CNTNAP5: variants seen among roughly 807,000 people sequenced by gnomAD.
CNTNAP5 encodes contactin associated protein family member 5.
A neutral mutation model predicts 150.2 loss-of-function variants in CNTNAP5; 72 were observed. That is an observed-to-expected ratio of 0.48 (90% CI 0.40 to 0.58). The LOEUF is 0.58. Ranked by LOEUF, CNTNAP5 falls within the 20% of genes least tolerant of loss-of-function variation. The pLI, the probability that CNTNAP5 is intolerant of heterozygous loss-of-function variation, is 0.00. For synonymous variants in CNTNAP5, 672 were observed against 619.8 expected (o/e 1.08, Z -1.25); for missense variants, 1,636 against 1,626.2 (o/e 1.01, Z -0.10).
intron 21 of CNTNAP5, among the ~76,000 whole-genome samples, chr2:124,882,916 A>ACT (rs1677996355): frequency 6.6e-6 from 1 of 151,966 alleles, no homozygotes; most frequent in Non-Finnish European, 1.5e-5. Context: ...TCTCATGTGA[A>ACT]CTAACTCACT....
At chr2:124,674,519 C>A (rs1290813768) in intron 13 of CNTNAP5, among the ~76,000 whole-genome samples, 1 of 114,740 alleles carries the variant, frequency 8.7e-6, no homozygotes, top group Admixed American at 1.0e-4. Flanking sequence ...CTCTTTCTTT[C>A]TTTCTTTCTT....
chr2:124,273,075 A>G (rs1687799611), intron 3 of CNTNAP5, among the ~76,000 whole-genome samples: 1 of 152,136 alleles, frequency 6.6e-6, no homozygotes, highest in South Asian at 2.1e-4. Context: ...AGCCATTCAG[A>G]TTTTCTGGCT....
rs3980963 is a variant in CNTNAP5 at position 124,541,179 on chromosome 2, A to ATTTTTTTTTTT, written c.1649+13730_1649+13740dup. On this transcript the variant is annotated intron_variant, in intron 10 of 23. Coordinates refer to ENST00000682447, the MANE Select transcript of CNTNAP5 (RefSeq NM_001367498.1). ...AGAGGATAAGAAGTACAAAATTCCG[A>ATTTTTTTTTTT]TTTTTTTTTTTTTTTTTGGTGAGAA... Among the ~76,000 whole-genome samples the ATTTTTTTTTTT allele has an allele frequency of 5.4e-4, 45 of 83,060 alleles. 5 individuals are homozygous for ATTTTTTTTTTT. The highest frequency in any genetic ancestry group is 7.5e-3 in the Middle Eastern group (1 of 134). 54.5% of individuals were successfully genotyped at this position (83,060 alleles called of 152,430 possible). A position where few individuals can be genotyped will look rare whatever the true frequency, so the allele number is the denominator to read the frequency against.
intron 2 of CNTNAP5, among the ~76,000 whole-genome samples, chr2:124,239,764 G>T (rs182322422): frequency 1.3e-5 from 2 of 151,790 alleles, no homozygotes; most frequent in African/African-American, 4.8e-5. Flanking sequence ...ATAAAATAAA[G>T]AATATGTTTA....
At chr2:124,844,769 T>A (rs1037251989) in intron 19 of CNTNAP5, among the ~76,000 whole-genome samples, 5 of 152,056 alleles carry the variant, frequency 3.3e-5, no homozygotes, top group Admixed American at 1.3e-4. Context: ...GATTTTCAGC[T>A]TCTGTTGGTC....
chr2:124,328,119 T>A (rs895509846), intron 3 of CNTNAP5, among the ~76,000 whole-genome samples: 2 of 152,094 alleles, frequency 1.3e-5, no homozygotes, highest in Non-Finnish European at 2.9e-5. Context: ...AAAAGTTATG[T>A]TTAATTCAGG....
chr2:124,161,178 C>T (rs140940178), intron 1 of CNTNAP5, among the ~76,000 whole-genome samples: 25 of 152,076 alleles, frequency 1.6e-4, no homozygotes, highest in South Asian at 6.2e-4. Context: ...TTAACAACCC[C>T]GAAAAGTAGA....
chr2:124,048,005 G>T lies in CNTNAP5; in HGVS notation c.82+22273G>T, dbSNP rs145773705. 7.1e-4 allele frequency among the ~76,000 whole-genome samples: 108 copies of T among 152,250 alleles called. No individual in the cohort carries two copies. The East Asian group carries it at 0.016, about 22-fold the overall frequency. Reference sequence around the variant, plus strand: ...CACACACACAGGACTTCTTTGCTTAGCTCCGTCATAAACATTTCCAAGCTA... The same window carrying T: ...CACACACACAGGACTTCTTTGCTTATCTCCGTCATAAACATTTCCAAGCTA... On this transcript the variant is annotated intron_variant, in intron 1 of 23. Coordinates refer to ENST00000682447, the MANE Select transcript of CNTNAP5 (RefSeq NM_001367498.1).
chr2:124,693,853 AAC>A (rs1015000340), intron 13 of CNTNAP5, among the ~76,000 whole-genome samples: 3 of 151,760 alleles, frequency 2.0e-5, no homozygotes, highest in Admixed American at 1.3e-4. Context: ...AAAAAAAAAA[AAC>A]CAACCAACCA....
intron 14 of CNTNAP5, among the ~76,000 whole-genome samples, chr2:124,762,195 T>C (rs1680970345): frequency 6.6e-6 from 1 of 152,166 alleles, no homozygotes; most frequent in South Asian, 2.1e-4. Flanking sequence ...TCTATATCCT[T>C]TGAATGGCCT....
chr2:124,105,601 T>G (rs1683156146), intron 1 of CNTNAP5, among the ~76,000 whole-genome samples: 1 of 152,344 alleles, frequency 6.6e-6, no homozygotes, highest in South Asian at 2.1e-4. Context: ...TTATCTAGAT[T>G]TTTAAAATTT....
At chr2:124,120,954 T>C (rs1683545824) in intron 1 of CNTNAP5, among the ~76,000 whole-genome samples, 1 of 152,028 alleles carries the variant, frequency 6.6e-6, no homozygotes, top group East Asian at 1.9e-4. Flanking sequence ...TTGATGTTGT[T>C]TGAGGATAAA....
intron 1 of CNTNAP5, among the ~76,000 whole-genome samples, chr2:124,054,715 T>C (rs1310873328): frequency 6.6e-6 from 1 of 152,206 alleles, no homozygotes; most frequent in East Asian, 1.9e-4. Context: ...CCAAAAGATA[T>C]GGAAACTATA....
At chr2:124,869,261 C>T (rs1226399841) in intron 20 of CNTNAP5, among the ~76,000 whole-genome samples, 1 of 152,032 alleles carries the variant, frequency 6.6e-6, no homozygotes, top group Non-Finnish European at 1.5e-5. Flanking sequence ...ACAGTGGTGG[C>T]CCTAAGGACA....
intron 1 of CNTNAP5, among the ~76,000 whole-genome samples, chr2:124,193,319 C>A (rs1685502139): frequency 6.6e-6 from 1 of 152,164 alleles, no homozygotes; most frequent in African/African-American, 2.4e-5. Flanking sequence ...TAATTCAACC[C>A]ATAACCTATA....
intron 1 of CNTNAP5, among the ~76,000 whole-genome samples, chr2:124,155,075 G>GTTTTTTT (rs36194209): frequency 1.2e-5 from 1 of 81,374 alleles, no homozygotes; most frequent in African/African-American, 4.8e-5. Flanking sequence ...AACCATTCCC[G>GTTTTTTT]TTTTTTTTTT....
At chr2:124,864,875 G>C (rs1202744552) in intron 19 of CNTNAP5, among the ~76,000 whole-genome samples, 1 of 152,014 alleles carries the variant, frequency 6.6e-6, no homozygotes. Flanking sequence ...TATATCAACG[G>C]GTGATAACAG....
At chr2:124,073,162 A>T (rs578081032) in intron 1 of CNTNAP5, among the ~76,000 whole-genome samples, 26 of 152,238 alleles carry the variant, frequency 1.7e-4, no homozygotes, top group African/African-American at 6.3e-4. Context: ...CCACATGCAG[A>T]AAAGTGAAAC....
At chr2:124,721,518 T>TAAATAAATAAATAAATA (rs1359102828) in intron 13 of CNTNAP5, among the ~76,000 whole-genome samples, 22 of 149,656 alleles carry the variant, frequency 1.5e-4, no homozygotes, top group African/African-American at 5.4e-4. Context: ...AATACATAAA[T>TAAATAAATAAATAAATA]AAATATTAAA....
Sources: allele counts gnomAD v4.1 joint callset (sites outside exome capture counted in the v4.1 genomes callset), GRCh38; gene constraint gnomAD v4.1.1; transcripts MANE v1.5; gene names NCBI Gene and HGNC (gene_info 2026-07-23, HGNC 2026-07-21).